TMEM132D: variants seen among roughly 807,000 people sequenced by gnomAD.
TMEM132D encodes the protein mature OL transmembrane protein.
Under a neutral mutation model 62.3 loss-of-function variants are expected in TMEM132D, and 21 were observed. That is an observed-to-expected ratio of 0.34 (90% CI 0.24 to 0.49). TMEM132D has a LOEUF of 0.49. TMEM132D is among the 20% of genes least tolerant of loss of function. The pLI, the probability that TMEM132D is intolerant of heterozygous loss-of-function variation, is 0.99. For synonymous variants in TMEM132D, 621 were observed against 575.6 expected, an observed-to-expected ratio of 1.08 and a Z score of -1.13; for missense variants, 1,346 against 1,402.8, an observed-to-expected ratio of 0.96 and a Z score of 0.65.
At chr12:129,392,284 T>C (rs573965754) in intron 3 of TMEM132D, among the ~76,000 whole-genome samples, 2 of 150,916 alleles carry the variant, frequency 1.3e-5, no homozygotes, top group South Asian at 2.1e-4. Context: ...CTCAAACTCC[T>C]GACCTCAGGG....
At chr12:129,585,965 C>T (rs1470872731) in intron 2 of TMEM132D, among the ~76,000 whole-genome samples, 1 of 151,970 alleles carries the variant, frequency 6.6e-6, no homozygotes, top group Non-Finnish European at 1.5e-5. Flanking sequence ...TATTATATGT[C>T]AAAATGCACT....
chr12:129,274,984 A>C (rs907571231), intron 4 of TMEM132D, among the ~76,000 whole-genome samples: 11 of 152,086 alleles, frequency 7.2e-5, no homozygotes, highest in Non-Finnish European at 1.3e-4. Context: ...ATTAAATTAA[A>C]AGTTGAGTCC....
At chr12:129,189,894 T>C (rs1878335400) in intron 5 of TMEM132D, among the ~76,000 whole-genome samples, 1 of 152,064 alleles carries the variant, frequency 6.6e-6, no homozygotes, top group Non-Finnish European at 1.5e-5. Context: ...TAACAGCTGA[T>C]GTTGAGATGG....
chr12:129,335,766 C>T (rs1384112448), intron 4 of TMEM132D, among the ~76,000 whole-genome samples: 1 of 152,174 alleles, frequency 6.6e-6, no homozygotes, highest in African/African-American at 2.4e-5. Flanking sequence ...AGCAATCTTT[C>T]ATGCTAAAAA....
chr12:129,865,391 T>C (rs898730061), intron 1 of TMEM132D, among the ~76,000 whole-genome samples: 1 of 151,860 alleles, frequency 6.6e-6, no homozygotes, highest in African/African-American at 2.4e-5. Context: ...CCTACTACTA[T>C]GGTCACAACC....
intron 2 of TMEM132D, among the ~76,000 whole-genome samples, chr12:129,577,923 A>G (rs1272800128): frequency 6.6e-6 from 1 of 152,210 alleles, no homozygotes; most frequent in Non-Finnish European, 1.5e-5. Flanking sequence ...AGGTGTTTAC[A>G]AGCTGGAGAG....
intron 2 of TMEM132D, among the ~76,000 whole-genome samples, chr12:129,607,185 C>G (rs920584349): frequency 2.0e-5 from 3 of 151,962 alleles, no homozygotes; most frequent in African/African-American, 4.8e-5. Context: ...CTCACCATCA[C>G]AGTTTATTAT....
At chr12:129,151,291 AT>A (rs1425655965) in intron 5 of TMEM132D, among the ~76,000 whole-genome samples, 2 of 152,182 alleles carry the variant, frequency 1.3e-5, no homozygotes, top group African/African-American at 4.8e-5. Flanking sequence ...CGCCTAGGTT[AT>A]TTCATTAAAG....
At chr12:129,694,585 C>G (rs562109075) in intron 2 of TMEM132D, among the ~76,000 whole-genome samples, 1 of 152,348 alleles carries the variant, frequency 6.6e-6, no homozygotes, top group South Asian at 2.1e-4. Context: ...AGTGGCCATA[C>G]TTCAACCAGT....
chr12:129,143,435 C>T (rs1172037875), intron 5 of TMEM132D, among the ~76,000 whole-genome samples: 1 of 152,162 alleles, frequency 6.6e-6, no homozygotes, highest in Non-Finnish European at 1.5e-5. Flanking sequence ...GAGCCCAGGC[C>T]TCAGAAGCTT....
intron 1 of TMEM132D, among the ~76,000 whole-genome samples, chr12:129,838,797 A>T (rs778805179): frequency 3.3e-5 from 5 of 152,180 alleles, no homozygotes; most frequent in Non-Finnish European, 7.3e-5. Flanking sequence ...TAAAAGACTA[A>T]TGAGATATTC....
Position 129,730,965 on chromosome 12 carries a change from C to CT in TMEM132D, c.80-30268_80-30267insA, listed in dbSNP as rs371713651. 3.2e-3 allele frequency among the ~76,000 whole-genome samples: 486 copies of CT among 152,102 alleles called. 2 individuals carry two copies. The highest frequency in any genetic ancestry group is 0.011 in the African/African-American group (465 of 41,498). On this transcript the variant is annotated intron_variant, in intron 1 of 8. Transcript: ENST00000422113. ...TGCTCCTCATCTAGCAGATAGCCTA[C>CT]GTGGGACCTCACTTTGTGATTGTGG...
intron 5 of TMEM132D, among the ~76,000 whole-genome samples, chr12:129,150,829 C>T (rs887258077): frequency 6.6e-6 from 1 of 152,232 alleles, no homozygotes; most frequent in Non-Finnish European, 1.5e-5. Flanking sequence ...TCAGCTGTGG[C>T]CCCGGACTAA....
chr12:129,704,308 T>C (rs1881452237), intron 1 of TMEM132D, among the ~76,000 whole-genome samples: 1 of 152,222 alleles, frequency 6.6e-6, no homozygotes, highest in African/African-American at 2.4e-5. Flanking sequence ...TACCCTGATA[T>C]CTGCAAGAGC....
intron 3 of TMEM132D, among the ~76,000 whole-genome samples, chr12:129,439,009 T>G (rs1321684679): frequency 2.6e-5 from 4 of 152,190 alleles, no homozygotes; most frequent in African/African-American, 9.7e-5. Context: ...ATCTTCTCAT[T>G]CTAAGCCTCC....
chr12:129,591,222 C>G (rs1377217601), intron 2 of TMEM132D, among the ~76,000 whole-genome samples: 1 of 152,158 alleles, frequency 6.6e-6, no homozygotes, highest in Non-Finnish European at 1.5e-5. Context: ...TAGCCAATGG[C>G]ATATCCTCAT....
chr12:129,665,026 G>A (rs1176821915), intron 2 of TMEM132D, among the ~76,000 whole-genome samples: 4 of 152,072 alleles, frequency 2.6e-5, no homozygotes, highest in Admixed American at 1.3e-4. Flanking sequence ...GAGTCTACAC[G>A]CTTAACTACT....
intron 1 of TMEM132D, among the ~76,000 whole-genome samples, chr12:129,902,469 A>C (rs952138778): frequency 6.7e-6 from 1 of 149,256 alleles, no homozygotes; most frequent in Non-Finnish European, 1.5e-5. Context: ...TTCAAGGAAG[A>C]ATGACTGTCC....
At position 129,414,792 on chromosome 12, in the gene TMEM132D, G is replaced by A. The variant is rs1415585776; in HGVS notation, c.1116-76975C>T. On this transcript the variant is annotated intron_variant, in intron 3 of 8. Transcript: ENST00000422113. ...CCGAAAATTTGCTGGACACTTTGACGAGCATCTCCTTGTATCTGTTCCCCC... is the reference window on the plus strand; with the variant it reads ...CCGAAAATTTGCTGGACACTTTGACAAGCATCTCCTTGTATCTGTTCCCCC... Among the ~76,000 whole-genome samples, 3 of 152,104 alleles carry A rather than the reference G, an allele frequency of 2.0e-5. No homozygotes were observed. In the South Asian group the frequency reaches 6.2e-4, roughly 31 times the overall value.
Sources: allele counts gnomAD v4.1 joint callset (sites outside exome capture counted in the v4.1 genomes callset), GRCh38; gene constraint gnomAD v4.1.1; transcripts MANE v1.5; gene names NCBI Gene and HGNC (gene_info 2026-07-23, HGNC 2026-07-21).